CNTN1: variants seen among roughly 807,000 people sequenced by gnomAD.
The protein encoded by CNTN1 is contactin 1.
CNTN1 carries 38 observed loss-of-function variants against 126.4 expected under a neutral mutation model. The observed-to-expected ratio is 0.30, with a 90% CI of 0.23 to 0.39. The LOEUF (loss-of-function observed/expected upper bound fraction) is 0.39, where lower values mean the gene tolerates loss of function less well. Among genes scored for constraint, CNTN1 ranks in the 10% least tolerant of loss-of-function variants. CNTN1 has a pLI of 1.00. For missense variants in CNTN1, 1,009 were observed against 1,248.4 expected (o/e 0.81, Z 2.89); for synonymous variants, 413 against 422.6 (o/e 0.98, Z 0.28).
intron 3 of CNTN1, among the ~76,000 whole-genome samples, chr12:40,912,827 C>A (rs1018195750): frequency 1.3e-4 from 20 of 152,242 alleles, no homozygotes; most frequent in African/African-American, 4.8e-4. Context: ...AGTGACCTGT[C>A]TCTATTTTGA....
intron 7 of CNTN1, among the ~76,000 whole-genome samples, chr12:40,932,838 A>G (rs556629575): frequency 5.3e-5 from 8 of 152,052 alleles, no homozygotes; most frequent in Admixed American, 2.0e-4. Flanking sequence ...TCAATTTGTG[A>G]TCCTAAACAA....
intron 1 of CNTN1, among the ~76,000 whole-genome samples, chr12:40,904,173 C>G (rs1028618189): frequency 6.6e-6 from 1 of 152,052 alleles, no homozygotes. Flanking sequence ...CGCCTGCCAC[C>G]ACGCACAGCT....
At chr12:40,697,420 CTCTT>C (rs1017094014) in intron 1 of CNTN1, among the ~76,000 whole-genome samples, 34 of 152,146 alleles carry the variant, frequency 2.2e-4, no homozygotes, top group Admixed American at 8.5e-4. Flanking sequence ...TTTCATTTGA[CTCTT>C]TATTGGAGTG....
At chr12:40,803,139 T>C (rs1000290133) in intron 1 of CNTN1, among the ~76,000 whole-genome samples, 1 of 151,998 alleles carries the variant, frequency 6.6e-6, no homozygotes, top group Non-Finnish European at 1.5e-5. Flanking sequence ...GTCAGAATTG[T>C]GTAAGCTGAA....
At chr12:40,783,676 G>A (rs549337949) in intron 1 of CNTN1, among the ~76,000 whole-genome samples, 2 of 152,078 alleles carry the variant, frequency 1.3e-5, no homozygotes, top group African/African-American at 4.8e-5. Flanking sequence ...TTGTATTTTA[G>A]AATCACAACA....
chr12:40,984,511 A>G (rs1947905164), intron 16 of CNTN1, among the ~76,000 whole-genome samples: 1 of 152,202 alleles, frequency 6.6e-6, no homozygotes, highest in African/African-American at 2.4e-5. Context: ...CAACAAAGAG[A>G]GAAGCAAGGT....
At chr12:41,009,652 G>T (rs1045037377) in intron 17 of CNTN1, among the ~76,000 whole-genome samples, 1 of 152,190 alleles carries the variant, frequency 6.6e-6, no homozygotes, top group East Asian at 1.9e-4. Flanking sequence ...TAACATTGGG[G>T]TGTTGAATGG....
At chr12:40,886,169 G>T (rs1021315035) in intron 1 of CNTN1, among the ~76,000 whole-genome samples, 1 of 151,798 alleles carries the variant, frequency 6.6e-6, no homozygotes, top group Middle Eastern at 3.4e-3. Flanking sequence ...TTTGATTGTT[G>T]TAAATACAAT....
intron 1 of CNTN1, among the ~76,000 whole-genome samples, chr12:40,726,993 C>A (rs1175056526): frequency 6.7e-6 from 1 of 148,968 alleles, no homozygotes; most frequent in Non-Finnish European, 1.5e-5. Context: ...TCTAAAAAGT[C>A]TTTTATTATT....
chr12:40,904,350 T>C (rs1944730432), intron 1 of CNTN1, among the ~76,000 whole-genome samples: 1 of 89,260 alleles, frequency 1.1e-5, no homozygotes, highest in Admixed American at 1.1e-4. Context: ...CTTCTTCTTT[T>C]TCCTTCCTTC....
chr12:40,921,408 A>G lies in CNTN1; in HGVS notation c.228-848A>G, dbSNP rs149030032. The stretch of plus-strand genomic sequence containing the variant: ...TGATAAAGAATGATTATAAAATTAT[A>G]CAGTTGGTTCTCTTAGTTGAGAACT... On this transcript the variant is annotated intron_variant, in intron 4 of 23. Transcript: ENST00000551295. 1.2e-3 allele frequency among the ~76,000 whole-genome samples: 186 copies of G among 152,314 alleles called. 2 individuals carry two copies. In the East Asian group the frequency reaches 0.018, roughly 15 times the overall value.
intron 1 of CNTN1, among the ~76,000 whole-genome samples, chr12:40,871,186 G>GAAAAAAAAAA (rs201485882): frequency 7.0e-5 from 8 of 113,550 alleles, no homozygotes; most frequent in Non-Finnish European, 9.8e-5. Flanking sequence ...CTGTTACAGA[G>GAAAAAAAAAA]AAAAAAAAAA....
intron 15 of CNTN1, among the ~76,000 whole-genome samples, chr12:40,976,571 G>A (rs536821110): frequency 6.6e-6 from 1 of 152,010 alleles, no homozygotes; most frequent in Non-Finnish European, 1.5e-5. Flanking sequence ...AAAGAACTCA[G>A]GGTTAGAATT....
At chr12:40,834,393 A>G (rs1041059344) in intron 1 of CNTN1, among the ~76,000 whole-genome samples, 1 of 152,168 alleles carries the variant, frequency 6.6e-6, no homozygotes, top group African/African-American at 2.4e-5. Context: ...TGAAAAACTC[A>G]AGTGGCAAAT....
chr12:40,778,481 T>G (rs982270821), intron 1 of CNTN1, among the ~76,000 whole-genome samples: 1 of 151,858 alleles, frequency 6.6e-6, no homozygotes, highest in East Asian at 1.9e-4. Context: ...CCCTGATTTT[T>G]TATCCATTTT....
chr12:40,975,348 G>A (rs553018586), intron 15 of CNTN1, among the ~76,000 whole-genome samples: 2 of 151,752 alleles, frequency 1.3e-5, no homozygotes, highest in East Asian at 3.9e-4. Flanking sequence ...AGAGAGTAGG[G>A]GTGTGGCAAA....
At chr12:40,930,948 T>C (rs980751713) in intron 7 of CNTN1, among the ~76,000 whole-genome samples, 16 of 151,962 alleles carry the variant, frequency 1.1e-4, no homozygotes, top group African/African-American at 3.9e-4. Context: ...AAAAATTCTC[T>C]TGATTTTCTT....
At chr12:40,993,626 A>G (rs1225186211) in intron 17 of CNTN1, among the ~76,000 whole-genome samples, 3 of 152,184 alleles carry the variant, frequency 2.0e-5, no homozygotes, top group African/African-American at 7.2e-5. Context: ...TTAACTAGGC[A>G]GACTCTTGCT....
At chr12:40,720,790 G>A (rs910953763) in intron 1 of CNTN1, among the ~76,000 whole-genome samples, 1 of 151,880 alleles carries the variant, frequency 6.6e-6, no homozygotes, top group African/African-American at 2.4e-5. Flanking sequence ...TTAGCTGGGC[G>A]TGGCAGTGCA....
Sources: gnomAD v4.1 joint callset for allele counts (sites outside exome capture counted in the v4.1 genomes callset) on GRCh38, gnomAD v4.1.1 for gene constraint, MANE v1.5 for transcripts, NCBI Gene and HGNC (gene_info 2026-07-23, HGNC 2026-07-21) for gene names.